Variants in SPTBN1 observed in about 807,000 individuals in gnomAD.
The protein encoded by SPTBN1 is spectrin beta, non-erythrocytic 1.
A neutral mutation model predicts 266.4 loss-of-function variants in SPTBN1; 32 were observed. The observed-to-expected ratio is 0.12, with a 90% confidence interval of 0.09 to 0.16. The LOEUF (loss-of-function observed/expected upper bound fraction) is 0.16. Ranked by LOEUF, SPTBN1 falls within the 10% of genes least tolerant of loss-of-function variation. SPTBN1 has a pLI of 1.00. For synonymous variants in SPTBN1, 1,336 were observed against 1,162.2 expected, an observed-to-expected ratio of 1.15 and a Z score of -3.04; for missense variants, 2,296 against 3,067.1, an observed-to-expected ratio of 0.75 and a Z score of 5.94.
At chr2:54,617,273 A>G (rs770251770) in intron 5 of SPTBN1, among the ~76,000 whole-genome samples, 2 of 152,192 alleles carry the variant, frequency 1.3e-5, no homozygotes, top group African/African-American at 2.4e-5. Flanking sequence ...TTGTAGGTAG[A>G]GTAGAAAGCC....
chr2:54,523,113 T>G (rs1670586799), intron 1 of SPTBN1, among the ~76,000 whole-genome samples: 1 of 152,240 alleles, frequency 6.6e-6, no homozygotes, highest in Non-Finnish European at 1.5e-5. Context: ...GATCAGATGA[T>G]TGCATGACAT....
rs70944181 is a variant in SPTBN1 at position 54,581,577 on chromosome 2, C to CTTTTTT, written c.149-17497_149-17492dup. ...GCCTTCATGCTTTGGTTTCTTTGCC[C>CTTTTTT]TTTTTTTTTTTTTTTTTTTTTTTGA... On this transcript the variant is annotated intron_variant, in intron 2 of 35. Coordinates refer to ENST00000356805, the MANE Select transcript of SPTBN1 (RefSeq NM_003128.3). 3.7e-3 allele frequency among the ~76,000 whole-genome samples: 377 copies of CTTTTTT among 102,594 alleles called. 3 individuals carry two copies. The highest frequency in any genetic ancestry group is 0.011 in the African/African-American group (270 of 24,370). 67.3% of individuals were successfully genotyped at this position (102,594 alleles called of 152,430 possible).
chr2:54,562,907 A>C (rs998506406), intron 2 of SPTBN1, among the ~76,000 whole-genome samples: 1 of 152,012 alleles, frequency 6.6e-6, no homozygotes, highest in Non-Finnish European at 1.5e-5. Flanking sequence ...CAATTATTCC[A>C]TAAAGTTTCT....
chr2:54,612,058 G>T, intron 3 of SPTBN1, 103 bp from the exon 4 acceptor site: 1 of 1,117,066 alleles, frequency 9.0e-7, no homozygotes, highest in South Asian at 1.6e-5. Context: ...TGCTCTGAGC[G>T]GGAGAGCATT....
intron 2 of SPTBN1, among the ~76,000 whole-genome samples, chr2:54,563,537 A>G (rs879447932): frequency 1.3e-5 from 2 of 150,400 alleles, no homozygotes; most frequent in African/African-American, 4.9e-5. Flanking sequence ...AAATTTCTTA[A>G]CTCTTAGAAA....
chr2:54,480,551 C>A (rs1444729844), intron 1 of SPTBN1, among the ~76,000 whole-genome samples: 5 of 152,126 alleles, frequency 3.3e-5, no homozygotes, highest in Non-Finnish European at 7.3e-5. Context: ...GTTTTGTAAT[C>A]CGAAAGAATT....
chr2:54,480,843 C>T (rs1034083699), intron 1 of SPTBN1, among the ~76,000 whole-genome samples: 3 of 152,178 alleles, frequency 2.0e-5, no homozygotes, highest in Admixed American at 2.0e-4. Context: ...TTCTTCCTTG[C>T]AGGGGAGTCC....
At chr2:54,591,155 G>A (rs970474411) in intron 2 of SPTBN1, among the ~76,000 whole-genome samples, 2 of 152,256 alleles carry the variant, frequency 1.3e-5, no homozygotes, top group Non-Finnish European at 2.9e-5. Context: ...AGTTCATTGA[G>A]GGTAAGAGAC....
intron 29 of SPTBN1, 49 bp downstream of exon 29, chr2:54,656,047 A>C: frequency 3.4e-6 from 5 of 1,481,380 alleles, no homozygotes; most frequent in Non-Finnish European, 4.7e-6. Context: ...AATGGAAAAC[A>C]TGCACGTTTA....
chr2:54,500,772 A>G (rs966543777), intron 1 of SPTBN1, among the ~76,000 whole-genome samples: 8 of 152,150 alleles, frequency 5.3e-5, no homozygotes, highest in Non-Finnish European at 7.4e-5. Context: ...TCCTAGCCTC[A>G]AGGGATCTGC....
In SPTBN1 at chr2:54,669,447, C is replaced by G. The variant is rs1681603284; in HGVS notation, c.*878C>G. On this transcript the variant is annotated 3_prime_UTR_variant, in exon 36 of 36. Transcript: ENST00000356805. ...ACTGTGTTATAATTTGCTTCATTTCCTTGCTATTTGATACATAGTGTGCAT... is the reference window on the plus strand; with the variant it reads ...ACTGTGTTATAATTTGCTTCATTTCGTTGCTATTTGATACATAGTGTGCAT... 6.6e-6 allele frequency: 1 copy of G among 152,568 alleles called. No individual in the cohort carries two copies. Among genetic ancestry groups the G allele is most frequent in the Non-Finnish European group, 1.5e-5 (1 of 68,024 alleles). The allele number at this position is 152,568 out of a possible 1,614,324, so 9.5% of individuals were successfully genotyped here.
intron 33 of SPTBN1, 129 bp from the exon 34 acceptor site, chr2:54,665,785 AG>A: frequency 1.9e-6 from 2 of 1,058,488 alleles, no homozygotes; most frequent in Non-Finnish European, 2.7e-6. Context: ...GTAATAAGGA[AG>A]GTTGAGGGTT....
At chr2:54,604,251 C>T (rs1167961813) in intron 3 of SPTBN1, among the ~76,000 whole-genome samples, 4 of 152,108 alleles carry the variant, frequency 2.6e-5, no homozygotes, top group African/African-American at 4.8e-5. Context: ...AACAGGGCAT[C>T]GCAGCACCCC....
chr2:54,552,841 G>A (rs1465391321), intron 2 of SPTBN1, among the ~76,000 whole-genome samples: 2 of 152,232 alleles, frequency 1.3e-5, no homozygotes, highest in Non-Finnish European at 2.9e-5. Context: ...TACTCTGTAA[G>A]TTGAGAAGTG....
chr2:54,507,181 C>T (rs569178129), intron 1 of SPTBN1, among the ~76,000 whole-genome samples: 1 of 152,238 alleles, frequency 6.6e-6, no homozygotes, highest in East Asian at 1.9e-4. Context: ...GGAATGTTAT[C>T]AGTTAAGGCT....
chr2:54,541,399 C>G (rs921519444), intron 2 of SPTBN1, among the ~76,000 whole-genome samples: 2 of 152,222 alleles, frequency 1.3e-5, no homozygotes, highest in African/African-American at 4.8e-5. Context: ...GCATTCAAGA[C>G]TACCTTGAGA....
intron 2 of SPTBN1, among the ~76,000 whole-genome samples, chr2:54,544,254 C>T (rs1672107913): frequency 6.6e-6 from 1 of 152,156 alleles, no homozygotes; most frequent in South Asian, 2.1e-4. Flanking sequence ...CTTCTGATGC[C>T]TATCTTTGAC....
At chr2:54,529,335 C>T (rs777954422) in intron 2 of SPTBN1, 1 of 567,218 alleles carries the variant, frequency 1.8e-6, no homozygotes, top group Non-Finnish European at 3.2e-6. Context: ...ACTTGAGACC[C>T]TTTTCAGAAG....
At chr2:54,618,857 C>G (rs781268331) in intron 7 of SPTBN1, among the ~76,000 whole-genome samples, 8 of 152,154 alleles carry the variant, frequency 5.3e-5, no homozygotes, top group Non-Finnish European at 8.8e-5. Flanking sequence ...ATTATCTGCA[C>G]GGAACTAATC....
Sources: gnomAD v4.1 joint callset for allele counts (sites outside exome capture counted in the v4.1 genomes callset) on GRCh38, gnomAD v4.1.1 for gene constraint, MANE v1.5 for transcripts, NCBI Gene and HGNC (gene_info 2026-07-23, HGNC 2026-07-21) for gene names.